Variants in FGFR2 observed in about 807,000 individuals in gnomAD.
The protein encoded by FGFR2 is BEK fibroblast growth factor receptor.
In FGFR2, 19 loss-of-function variants were observed where a neutral mutation model predicts 95.9. The ratio of observed to expected loss-of-function variants is 0.20; its 90% CI spans 0.14 to 0.29. The LOEUF (loss-of-function observed/expected upper bound fraction) is 0.29. Among genes scored for constraint, FGFR2 ranks in the 10% least tolerant of loss-of-function variants. The pLI is 1.00. For missense variants in FGFR2, 707 were observed against 1,056.9 expected, an observed-to-expected ratio of 0.67 and a Z score of 4.59; for synonymous variants, 392 against 393.3, an observed-to-expected ratio of 1.00 and a Z score of 0.04.
chr10:121,544,935 G>A (rs761136242), intron 5 of FGFR2, among the ~76,000 whole-genome samples: 12 of 152,166 alleles, frequency 7.9e-5, no homozygotes, highest in African/African-American at 9.7e-5. Flanking sequence ...TTGAGCTTAC[G>A]TGTTCGAAGC....
Position 121,538,122 on chromosome 10 carries a change from T to TG in FGFR2, c.748+469dup, listed in dbSNP as rs1853128707. The TG allele has an allele frequency of 1.6e-5, 9 of 572,178 alleles. 1 individual carries two copies. In the South Asian group the frequency reaches 2.0e-4, roughly 12 times the overall value. The allele number at this position is 572,178 out of a possible 1,614,324, so 35.4% of individuals were successfully genotyped here. A position where few individuals can be genotyped will look rare whatever the true frequency, so the allele number is the denominator to read the frequency against. On this transcript the variant is annotated intron_variant, in intron 6 of 17. Coordinates refer to ENST00000358487, the MANE Select transcript of FGFR2 (RefSeq NM_000141.5). ...TCTAATGACTTTCTTGTGATGGAAG[T>TG]GAAGGGCCCTCAACATTCACCTTTT...
Position 121,483,854 on chromosome 10 carries a change from G to A in FGFR2, c.2196-51C>T, listed in dbSNP as rs763539371. 10 of 1,380,018 alleles carry A rather than the reference G, an allele frequency of 7.2e-6. No homozygotes were observed. In the South Asian group the frequency reaches 9.7e-5, roughly 13 times the overall value. The allele number at this position is 1,380,018 out of a possible 1,614,324, so 85.5% of individuals were successfully genotyped here. ...TAATTTCATATGCACTGGGTACGTG[G>A]TTATAGTCAGTTTTAATAGGCAATA... On this transcript the variant is annotated intron_variant, in intron 16 of 17. Coordinates refer to ENST00000358487, the MANE Select transcript of FGFR2 (RefSeq NM_000141.5).
intron 16 of FGFR2, among the ~76,000 whole-genome samples, chr10:121,484,627 G>A (rs1845174915): frequency 2.0e-5 from 3 of 152,174 alleles, no homozygotes; most frequent in South Asian, 4.1e-4. Flanking sequence ...AGGGGTTGAG[G>A]CAGGAGGCAG....
chr10:121,492,693 C>T (rs563140432), intron 13 of FGFR2, among the ~76,000 whole-genome samples: 152 of 152,318 alleles, frequency 1.0e-3, no homozygotes, highest in African/African-American at 3.5e-3. Context: ...GCAGAGCCCT[C>T]GCAAGGGGAC....
At chr10:121,540,629 A>T (rs996156364) in intron 5 of FGFR2, among the ~76,000 whole-genome samples, 1 of 152,152 alleles carries the variant, frequency 6.6e-6, no homozygotes, top group African/African-American at 2.4e-5. Flanking sequence ...CAAGCTCTCA[A>T]GGGTAACAGA....
intron 6 of FGFR2, chr10:121,526,975 G>C (rs1851466635): frequency 2.6e-6 from 1 of 384,068 alleles, no homozygotes; most frequent in South Asian, 1.5e-4. Context: ...AACTTGTTTG[G>C]GTAAAAATGA....
chr10:121,561,371 C>G (rs1311718391), intron 4 of FGFR2, among the ~76,000 whole-genome samples: 2 of 149,270 alleles, frequency 1.3e-5, no homozygotes, highest in Admixed American at 6.8e-5. Flanking sequence ...CTGCGGTGAG[C>G]TGAGATCGCA....
At chr10:121,547,124 T>C (rs1039526754) in intron 5 of FGFR2, among the ~76,000 whole-genome samples, 3 of 152,118 alleles carry the variant, frequency 2.0e-5, no homozygotes, top group Non-Finnish European at 4.4e-5. Flanking sequence ...CTTGTGAGGC[T>C]GAGACAGGAA....
At chr10:121,562,533 G>A (rs143344493) in intron 4 of FGFR2, among the ~76,000 whole-genome samples, 279 of 152,202 alleles carry the variant, frequency 1.8e-3, no homozygotes, top group African/African-American at 6.0e-3. Context: ...TGATCCACCC[G>A]CCTCGGCCTC....
chr10:121,513,184 C>T (rs1849279697), intron 9 of FGFR2, among the ~76,000 whole-genome samples: 1 of 152,170 alleles, frequency 6.6e-6, no homozygotes, highest in Non-Finnish European at 1.5e-5. Context: ...AGGCTGAATT[C>T]TCTTAAAGAA....
chr10:121,593,996 A>C, intron 1 of FGFR2, 29 bp from the exon 2 acceptor site: 1 of 689,036 alleles, frequency 1.5e-6, no homozygotes, highest in South Asian at 1.6e-5. Context: ...CGAGTCAGGG[A>C]ATCTTCCCCA....
chr10:121,556,757 C>CA (rs1856221908), intron 4 of FGFR2, among the ~76,000 whole-genome samples: 3 of 152,100 alleles, frequency 2.0e-5, no homozygotes. Flanking sequence ...TTTATGGATG[C>CA]AAAAAATTTT....
intron 6 of FGFR2, among the ~76,000 whole-genome samples, chr10:121,527,511 T>C (rs1433365402): frequency 6.6e-6 from 1 of 152,208 alleles, no homozygotes; most frequent in African/African-American, 2.4e-5. Context: ...GCAAAACAAA[T>C]TGAATGTACT....
chr10:121,540,175 T>C lies in FGFR2; in HGVS notation c.625-1460A>G, dbSNP rs957815904. ...CTGGTCAGCCACTTTGCTGGGCTGC[T>C]GCAGTCATCGACAACTACGAAGGTA... On this transcript the variant is annotated intron_variant, in intron 5 of 17. Transcript: ENST00000358487. Among the ~76,000 whole-genome samples, 5 of 152,334 alleles carry C rather than the reference T, an allele frequency of 3.3e-5. No homozygotes were observed. The South Asian group carries it at 8.3e-4, about 25-fold the overall frequency.
chr10:121,520,887 C>T (rs1006819589), intron 6 of FGFR2, among the ~76,000 whole-genome samples: 1 of 152,274 alleles, frequency 6.6e-6, no homozygotes, highest in Non-Finnish European at 1.5e-5. Context: ...AAGCGATCCA[C>T]CTGCCTTGGC....
At chr10:121,581,305 C>G (rs979075038) in intron 2 of FGFR2, among the ~76,000 whole-genome samples, 1 of 152,190 alleles carries the variant, frequency 6.6e-6, no homozygotes, top group Non-Finnish European at 1.5e-5. Context: ...CAGCAAGGGA[C>G]AGCAGAGAGG....
At chr10:121,537,131 C>T (rs1472293107) in intron 6 of FGFR2, among the ~76,000 whole-genome samples, 1 of 152,160 alleles carries the variant, frequency 6.6e-6, no homozygotes, top group Admixed American at 6.5e-5. Flanking sequence ...AAGAAACATG[C>T]CACATGTTTT....
At chr10:121,498,039 T>G (rs187113265) in intron 12 of FGFR2, among the ~76,000 whole-genome samples, 64 of 152,352 alleles carry the variant, frequency 4.2e-4, no homozygotes, top group African/African-American at 1.5e-3. Flanking sequence ...TATTCCTTCA[T>G]ACCGCTTTCT....
At chr10:121,541,035 A>G (rs1156646380) in intron 5 of FGFR2, among the ~76,000 whole-genome samples, 6 of 152,166 alleles carry the variant, frequency 3.9e-5, no homozygotes, top group Non-Finnish European at 8.8e-5. Context: ...CACTGGGGCC[A>G]TGGCATTCCA....
Sources: gnomAD v4.1 joint callset for allele counts (sites outside exome capture counted in the v4.1 genomes callset) on GRCh38, gnomAD v4.1.1 for gene constraint, MANE v1.5 for transcripts, NCBI Gene and HGNC (gene_info 2026-07-23, HGNC 2026-07-21) for gene names.